The following ELL variants were observed in gnomAD, a reference collection of about 807,000 sequenced individuals.
ELL encodes the protein RNA polymerase II elongation factor ELL.
In ELL, 18 loss-of-function variants were observed where a neutral mutation model predicts 64.0. The ratio of observed to expected loss-of-function variants is 0.28; its 90% confidence interval spans 0.19 to 0.42. The LOEUF (loss-of-function observed/expected upper bound fraction) is 0.42, where lower values mean the gene tolerates loss of function less well. Ranked by LOEUF, ELL falls within the 10% of genes least tolerant of loss-of-function variation. ELL has a pLI of 1.00. For synonymous variants in ELL, 399 were observed against 376.2 expected (o/e 1.06, Z -0.70); for missense variants, 797 against 870.4 (o/e 0.92, Z 1.06).
intron 5 of ELL, among the ~76,000 whole-genome samples, chr19:18,460,765 A>C: frequency 6.6e-6 from 1 of 152,196 alleles, no homozygotes; most frequent in Non-Finnish European, 1.5e-5. Context: ...TGTGACCCCG[A>C]ACATCCCACT....
intron 1 of ELL, among the ~76,000 whole-genome samples, chr19:18,513,523 A>G (rs271628): frequency 0.47 from 71,078 of 152,040 alleles, 19,244 homozygotes; most frequent in African/African-American, 0.76. Context: ...AACAGAAATT[A>G]CCTGGGGCAA....
At chr19:18,456,097 C>CAAA (rs111754388) in intron 6 of ELL, among the ~76,000 whole-genome samples, 2 of 98,826 alleles carry the variant, frequency 2.0e-5, no homozygotes, top group South Asian at 3.0e-4. Context: ...AACTCCATCA[C>CAAA]AAAAAAAAAA....
At chr19:18,457,375 C>A (rs960204157) in intron 6 of ELL, among the ~76,000 whole-genome samples, 5 of 152,168 alleles carry the variant, frequency 3.3e-5, no homozygotes, top group African/African-American at 1.2e-4. Flanking sequence ...CAAGACTGTG[C>A]CCTCCGCCAG....
At chr19:18,509,246 C>T (rs1330365513) in intron 1 of ELL, among the ~76,000 whole-genome samples, 1 of 152,140 alleles carries the variant, frequency 6.6e-6, no homozygotes, top group Non-Finnish European at 1.5e-5. Context: ...ACAGTGCCCA[C>T]TGAGACCCTA....
chr19:18,487,116 G>A (rs988924897), intron 1 of ELL, among the ~76,000 whole-genome samples: 1 of 152,172 alleles, frequency 6.6e-6, no homozygotes, highest in East Asian at 1.9e-4. Context: ...CTCAGACCCC[G>A]CTACCCCCCA....
chr19:18,457,324 G>C (rs1668066400), intron 6 of ELL, among the ~76,000 whole-genome samples: 1 of 152,204 alleles, frequency 6.6e-6, no homozygotes, highest in Non-Finnish European at 1.5e-5. Context: ...GGGGGCCAAG[G>C]GAGAGGACAC....
intron 1 of ELL, among the ~76,000 whole-genome samples, chr19:18,504,280 G>A (rs888410540): frequency 2.6e-5 from 4 of 152,194 alleles, no homozygotes; most frequent in Non-Finnish European, 4.4e-5. Flanking sequence ...GCTCACTGAC[G>A]CACAGAGGCC....
At chr19:18,482,128 T>A (rs974729974) in intron 1 of ELL, among the ~76,000 whole-genome samples, 1 of 152,104 alleles carries the variant, frequency 6.6e-6, no homozygotes, top group African/African-American at 2.4e-5. Context: ...GTTGAGCATC[T>A]TTTTACAGGC....
At chr19:18,507,843 C>T (rs564454232) in intron 1 of ELL, among the ~76,000 whole-genome samples, 3 of 152,288 alleles carry the variant, frequency 2.0e-5, no homozygotes, top group Non-Finnish European at 2.9e-5. Context: ...ACAGGTTCTG[C>T]GGGCCCCACT....
intron 2 of ELL, among the ~76,000 whole-genome samples, chr19:18,468,912 C>T (rs889304278): frequency 6.6e-6 from 1 of 151,924 alleles, no homozygotes; most frequent in Non-Finnish European, 1.5e-5. Context: ...ACTGACAGGG[C>T]CCCCCTGCCT....
chr19:18,486,725 C>T (rs1170955366), intron 1 of ELL, among the ~76,000 whole-genome samples: 3 of 152,174 alleles, frequency 2.0e-5, no homozygotes, highest in Non-Finnish European at 4.4e-5. Context: ...AACCCCTGTC[C>T]CAGAAGATAG....
chr19:18,463,325 CTTTTTTTTTTTTTTT>C (rs34610795), intron 4 of ELL, among the ~76,000 whole-genome samples: 18 of 73,250 alleles, frequency 2.5e-4, no homozygotes, highest in Admixed American at 3.0e-4. Context: ...ACATTCACAT[CTTTTTTTTTTTTTTT>C]TTTTTTTTTT....
intron 1 of ELL, among the ~76,000 whole-genome samples, chr19:18,482,336 T>A (rs866260769): frequency 6.2e-5 from 8 of 128,012 alleles, no homozygotes; most frequent in East Asian, 2.1e-4. Flanking sequence ...TTTTTTTTTT[T>A]AAACAGGGTC....
chr19:18,450,550 G>C lies in ELL; in HGVS notation c.1392C>G (p.Asp464Glu), dbSNP rs370344034. 2.9e-4 allele frequency: 464 copies of C among 1,613,044 alleles called. No homozygotes were observed. Among genetic ancestry groups the C allele is most frequent in the Non-Finnish European group, 3.7e-4 (441 of 1,179,910 alleles). The change falls in exon 8 of 12, where the codon GAC (aspartate) becomes GAG (glutamate). Residue 464 changes from aspartate (D) to glutamate (E), a missense_variant. Asp to Glu is a conservative substitution (Grantham distance 45, BLOSUM62 2). Transcript: ENST00000262809. The stretch of plus-strand genomic sequence containing the variant: ...AGTCTGGAAGCTGGGCCCGGGGCTT[G>C]TCCTCAGCCGCCCTCTCCTTGTCTT... ...KHKDKERAAEDKPRAQLPDCA... is the reference protein window; with the variant it reads ...KHKDKERAAEEKPRAQLPDCA...
intron 1 of ELL, among the ~76,000 whole-genome samples, chr19:18,517,823 G>C (rs1976160419): frequency 1.3e-5 from 2 of 150,420 alleles, no homozygotes; most frequent in African/African-American, 4.9e-5. Flanking sequence ...GGAGTTCAAG[G>C]CCGCAGTGAG....
At chr19:18,475,079 G>T (rs1288848720) in intron 1 of ELL, among the ~76,000 whole-genome samples, 1 of 152,152 alleles carries the variant, frequency 6.6e-6, no homozygotes, top group Non-Finnish European at 1.5e-5. Flanking sequence ...AGCTGAGATT[G>T]CACCACTGCA....
chr19:18,481,285 A>G (rs1975294490), intron 1 of ELL, among the ~76,000 whole-genome samples: 1 of 152,206 alleles, frequency 6.6e-6, no homozygotes, highest in Non-Finnish European at 1.5e-5. Context: ...TGTGGCTTAA[A>G]ACAATGGAAA....
chr19:18,501,175 T>A lies in ELL; in HGVS notation c.135+20746A>T, dbSNP rs984857013. Among the ~76,000 whole-genome samples the A allele has an allele frequency of 1.3e-5, 2 of 151,884 alleles. No individual in the cohort carries two copies. Among genetic ancestry groups the A allele is most frequent in the Non-Finnish European group, 1.5e-5 (1 of 67,958 alleles). ...AAGCAGCACACCTCCAGGGGCCACG[T>A]AGACAACCTGTGACACAGTGAACCC... On this transcript the variant is annotated intron_variant, in intron 1 of 11. Transcript: ENST00000262809. The surrounding 1 kb of genome is among the most constrained non-coding windows in gnomAD (Gnocchi z 4.5).
rs1199810221 is a variant in ELL, at chr19:18,460,876, T to A, written c.744+702A>T. ...CCTCAGTTCACCTCAAGGCTGCATC[T>A]GCATAGCCTGGCTAATGTTCTGAAG... On this transcript the variant is annotated intron_variant, in intron 5 of 11. Transcript: ENST00000262809. Among the ~76,000 whole-genome samples, 3 of 152,204 alleles carry A rather than the reference T, an allele frequency of 2.0e-5. No homozygotes were observed. In the East Asian group the frequency reaches 5.8e-4, roughly 29 times the overall value.
Sources: allele counts gnomAD v4.1 joint callset (sites outside exome capture counted in the v4.1 genomes callset), GRCh38; gene constraint gnomAD v4.1.1; non-coding constraint Gnocchi (gnomAD v3.1); transcripts MANE v1.5; gene names NCBI Gene and HGNC (gene_info 2026-07-23, HGNC 2026-07-21).